AFF2: variants seen among roughly 807,000 people sequenced by gnomAD.
AFF2 encodes the protein ALF transcription elongation factor 2.
AFF2 carries 14 observed loss-of-function variants against 76.9 expected under a neutral mutation model. The ratio of observed to expected loss-of-function variants is 0.18; its 90% CI spans 0.12 to 0.28. The LOEUF (loss-of-function observed/expected upper bound fraction) is 0.28, where lower values mean the gene tolerates loss of function less well. Ranked by LOEUF, AFF2 falls within the 10% of genes least tolerant of loss-of-function variation. The pLI is 1.00. For missense variants in AFF2, 868 were observed against 1,001.1 expected, an observed-to-expected ratio of 0.87 and a Z score of 1.79; for synonymous variants, 398 against 366.7, an observed-to-expected ratio of 1.09 and a Z score of -0.98.
At chrX:148,898,348 G>C (rs1557280538) in intron 8 of AFF2, among the ~76,000 whole-genome samples, 1 of 112,410 alleles carries the variant, frequency 8.9e-6, no homozygotes, top group Non-Finnish European at 1.9e-5. Context: ...ATGACAATGA[G>C]AGCAATGTGA....
At chrX:148,554,014 G>T (rs184665417) in intron 1 of AFF2, among the ~76,000 whole-genome samples, 42 of 111,672 alleles carry the variant, frequency 3.8e-4, no homozygotes, top group African/African-American at 1.3e-3. Context: ...GAGGGTCTAA[G>T]AATGAATAGA....
intron 3 of AFF2, among the ~76,000 whole-genome samples, chrX:148,740,259 A>G (rs2055335485): frequency 8.9e-6 from 1 of 111,920 alleles, no homozygotes; most frequent in Admixed American, 9.4e-5. Flanking sequence ...AGCTTTTAGA[A>G]TTGTCTTCTT....
chrX:148,872,553 TTA>T (rs1557277472), intron 7 of AFF2, among the ~76,000 whole-genome samples: 1 of 112,441 alleles, frequency 8.9e-6, no homozygotes, highest in East Asian at 2.8e-4. Context: ...TGTTTCTACT[TTA>T]TGTCTATTCC....
chrX:148,668,296 C>T lies in AFF2; in HGVS notation c.1041+5528C>T, dbSNP rs782769758. ...GCTTTCATGGGCTGGCATTGAGTGT[C>T]TGTGGCTTTTCCAGGTGCATGGTGC... On this transcript the variant is annotated intron_variant, in intron 3 of 20. Transcript: ENST00000370460. Among the ~76,000 whole-genome samples the T allele has an allele frequency of 5.4e-3, 613 of 112,854 alleles. 2 individuals carry two copies. The highest frequency in any genetic ancestry group is 0.018 in the African/African-American group (551 of 31,099).
chrX:148,619,938 C>G (rs2053849616), intron 1 of AFF2, among the ~76,000 whole-genome samples: 1 of 112,144 alleles, frequency 8.9e-6, no homozygotes, highest in Non-Finnish European at 1.9e-5. Flanking sequence ...CCTGACAAAG[C>G]ATTTTCATCA....
At chrX:148,502,934 G>C (rs1396843349) in intron 1 of AFF2, among the ~76,000 whole-genome samples, 1 of 112,306 alleles carries the variant, frequency 8.9e-6, no homozygotes, top group Non-Finnish European at 1.9e-5. Context: ...AAAATGATAG[G>C]CTCCCTCACC....
At chrX:148,562,819 TG>T (rs1467069281) in intron 1 of AFF2, among the ~76,000 whole-genome samples, 1 of 111,975 alleles carries the variant, frequency 8.9e-6, no homozygotes, top group Non-Finnish European at 1.9e-5. Flanking sequence ...AACTAGGTAC[TG>T]GGGGCTCAGT....
At chrX:148,584,797 C>T (rs1603250544) in intron 1 of AFF2, among the ~76,000 whole-genome samples, 1 of 110,592 alleles carries the variant, frequency 9.0e-6, no homozygotes, top group African/African-American at 3.3e-5. Flanking sequence ...CCTCGGCCTC[C>T]CATTGTGCTG....
intron 15 of AFF2, among the ~76,000 whole-genome samples, chrX:148,967,946 A>G (rs1473559074): frequency 9.0e-6 from 1 of 111,499 alleles, no homozygotes; most frequent in Non-Finnish European, 1.9e-5. Flanking sequence ...CAGAAGCTCA[A>G]TGGCATATAC....
intron 3 of AFF2, among the ~76,000 whole-genome samples, chrX:148,723,475 A>T (rs181076852): frequency 9.0e-6 from 1 of 111,171 alleles, no homozygotes; most frequent in African/African-American, 3.3e-5. Flanking sequence ...AATTATTGAG[A>T]GCACATTAGG....
chrX:148,912,519 T>A (rs977173662), intron 9 of AFF2, among the ~76,000 whole-genome samples: 1 of 112,231 alleles, frequency 8.9e-6, no homozygotes, highest in Non-Finnish European at 1.9e-5. Flanking sequence ...GATACTATGC[T>A]TATTACCTGA....
intron 1 of AFF2, among the ~76,000 whole-genome samples, chrX:148,581,472 A>G (rs1209241373): frequency 1.2e-5 from 1 of 86,679 alleles, no homozygotes; most frequent in African/African-American, 4.7e-5. Flanking sequence ...GTACACACAT[A>G]TATACGTATA....
chrX:148,929,522 G>A (rs1283902019), intron 9 of AFF2, among the ~76,000 whole-genome samples: 1 of 112,304 alleles, frequency 8.9e-6, no homozygotes, highest in African/African-American at 3.2e-5. Context: ...CATCACTGAA[G>A]TTCTTTCCTC....
Position 148,843,495 on chromosome X carries a change from C to T in AFF2, c.1262+62C>T, listed in dbSNP as rs1233509266. On this transcript the variant is annotated intron_variant, in intron 7 of 20. Transcript: ENST00000370460. Reference sequence around the variant, plus strand: ...GATATTTGGCAAGGAAACAGTGCCTCAATGCTGATCTAATCTTGTTCTCTC... The same window carrying T: ...GATATTTGGCAAGGAAACAGTGCCTTAATGCTGATCTAATCTTGTTCTCTC... 5.5e-6 allele frequency: 5 copies of T among 910,497 alleles called. No individual in the cohort carries two copies. The African/African-American group carries it at 9.8e-5, about 18-fold the overall frequency. The allele number at this position is 910,497 out of a possible 1,213,427, so 75.0% of individuals were successfully genotyped here.
chrX:148,780,516 T>A (rs1557269003), intron 3 of AFF2, among the ~76,000 whole-genome samples: 3 of 112,295 alleles, frequency 2.7e-5, no homozygotes, highest in Non-Finnish European at 5.6e-5. Flanking sequence ...GTCTCTGATA[T>A]CTTTTCTTCA....
intron 1 of AFF2, among the ~76,000 whole-genome samples, chrX:148,552,735 C>G (rs2053009422): frequency 8.9e-6 from 1 of 112,064 alleles, no homozygotes; most frequent in East Asian, 2.8e-4. Flanking sequence ...AGATAGATGC[C>G]TTTGCATGAA....
intron 3 of AFF2, among the ~76,000 whole-genome samples, chrX:148,714,559 G>A (rs2055005319): frequency 9.0e-6 from 1 of 111,718 alleles, no homozygotes; most frequent in African/African-American, 3.2e-5. Context: ...CAGATTCAGT[G>A]CCCTTGGAGT....
rs186891603 is a variant in AFF2 at position 148,811,701 on chromosome X, A to G, written c.1086+1781A>G. ...TAATTTGTCACAATCGAAATTACAT[A>G]CTTAAAAGCAACCCAGCCCTGGTGC... On this transcript the variant is annotated intron_variant, in intron 4 of 20. Coordinates refer to ENST00000370460, the MANE Select transcript of AFF2 (RefSeq NM_002025.4). Among the ~76,000 whole-genome samples the G allele has an allele frequency of 3.5e-3, 389 of 112,020 alleles. 1 individual carries two copies. Among genetic ancestry groups the G allele is most frequent in the Middle Eastern group, 0.023 (5 of 218 alleles).
At chrX:148,934,344 T>C in intron 9 of AFF2, among the ~76,000 whole-genome samples, 1 of 111,988 alleles carries the variant, frequency 8.9e-6, no homozygotes, top group African/African-American at 3.2e-5. Flanking sequence ...TGAATGCAGT[T>C]TTGTTTGGCC....
Sources: allele counts gnomAD v4.1 joint callset (sites outside exome capture counted in the v4.1 genomes callset), GRCh38; gene constraint gnomAD v4.1.1; transcripts MANE v1.5; gene names NCBI Gene and HGNC (gene_info 2026-07-23, HGNC 2026-07-21).